Variants in DIP2C observed in about 807,000 individuals in gnomAD.
DIP2C encodes the protein DIP2 acetate--CoA ligase C (putative).
A neutral mutation model predicts 192.4 loss-of-function variants in DIP2C; 33 were observed. That is an observed-to-expected ratio of 0.17 (90% CI 0.13 to 0.23). The LOEUF (loss-of-function observed/expected upper bound fraction) is 0.23, where lower values mean the gene tolerates loss of function less well. DIP2C is among the 10% of genes least tolerant of loss of function. DIP2C has a pLI of 1.00. For synonymous variants in DIP2C, 979 were observed against 864.1 expected, an observed-to-expected ratio of 1.13 and a Z score of -2.33; for missense variants, 1,537 against 2,110.1, an observed-to-expected ratio of 0.73 and a Z score of 5.32.
At position 466,495 on chromosome 10, in the gene DIP2C, C is replaced by T. The variant is rs1390358293; in HGVS notation, c.268+5944G>A. Among the ~76,000 whole-genome samples the T allele has an allele frequency of 3.7e-3, 507 of 138,496 alleles. 1 individual carries two copies. The highest frequency in any genetic ancestry group is 0.014 in the Middle Eastern group (4 of 282). The allele number at this position is 138,496 out of a possible 152,430, so 90.9% of individuals were successfully genotyped here. A position where few individuals can be genotyped will look rare whatever the true frequency, so the allele number is the denominator to read the frequency against. ...TAGGCGTGGGCAAGGACTTCATGTC[C>T]AAAACACCAAAAGCAATGGCAACAA... On this transcript the variant is annotated intron_variant, in intron 3 of 36. Transcript: ENST00000280886.
intron 1 of DIP2C, among the ~76,000 whole-genome samples, chr10:520,021 C>G (rs1846598239): frequency 1.3e-5 from 2 of 152,232 alleles, no homozygotes; most frequent in South Asian, 2.1e-4. Context: ...ATGGTTCTCC[C>G]CAGAGCCAAC....
Position 329,750 on chromosome 10 carries a change from A to G in DIP2C, c.3585-149T>C, listed in dbSNP as rs1193805432. The G allele has an allele frequency of 1.1e-5, 11 of 984,250 alleles. No individual in the cohort carries two copies. The East Asian group carries it at 2.4e-4, about 22-fold the overall frequency. 61.0% of individuals were successfully genotyped at this position (984,250 alleles called of 1,614,324 possible). A position where few individuals can be genotyped will look rare whatever the true frequency, so the allele number is the denominator to read the frequency against. On this transcript the variant is annotated intron_variant, in intron 29 of 36. Coordinates refer to ENST00000280886, the MANE Select transcript of DIP2C (RefSeq NM_014974.3). ...TCTGTAGAAGGGCACAGTAAAGCCA[A>G]CGCTGCAAACTGCAACCATGTTCAC...
At chr10:372,318 G>A (rs1239101938) in intron 17 of DIP2C, among the ~76,000 whole-genome samples, 1 of 152,174 alleles carries the variant, frequency 6.6e-6, no homozygotes, top group Non-Finnish European at 1.5e-5. Context: ...CGAGTGATCT[G>A]CCCTCCTCGG....
intron 1 of DIP2C, chr10:650,308 C>G (rs1715952958): frequency 1.4e-6 from 1 of 716,982 alleles, no homozygotes. Context: ...GACCATGGTG[C>G]CCGGGGCTGT....
chr10:559,610 C>T (rs1184543417), intron 1 of DIP2C, among the ~76,000 whole-genome samples: 1 of 152,198 alleles, frequency 6.6e-6, no homozygotes, highest in Admixed American at 6.5e-5. Context: ...CAGGTCTCTG[C>T]CTTCCTACCT....
intron 8 of DIP2C, among the ~76,000 whole-genome samples, chr10:411,290 G>A (rs532362339): frequency 6.6e-6 from 1 of 152,260 alleles, no homozygotes; most frequent in Non-Finnish European, 1.5e-5. Flanking sequence ...GGAGGCAGAG[G>A]AAGAGCGTAC....
intron 29 of DIP2C, among the ~76,000 whole-genome samples, chr10:331,949 TCTTA>T (rs1393123986): frequency 9.9e-5 from 15 of 151,646 alleles, no homozygotes; most frequent in African/African-American, 3.4e-4. Flanking sequence ...TGAGACAGAG[TCTTA>T]CTTTGTCACC....
chr10:303,955 G>A (rs984221454), intron 32 of DIP2C, among the ~76,000 whole-genome samples: 9 of 152,164 alleles, frequency 5.9e-5, no homozygotes, highest in Non-Finnish European at 1.0e-4. Flanking sequence ...CAACTGGAGG[G>A]TCTTTAGGGC....
chr10:655,111 T>G (rs1856199760), intron 1 of DIP2C, among the ~76,000 whole-genome samples: 1 of 152,084 alleles, frequency 6.6e-6, no homozygotes, highest in African/African-American at 2.4e-5. Flanking sequence ...CATGGGGGAA[T>G]GGGGTGGAGC....
chr10:507,486 G>A (rs1845693140), intron 1 of DIP2C, among the ~76,000 whole-genome samples: 1 of 151,280 alleles, frequency 6.6e-6, no homozygotes, highest in Non-Finnish European at 1.5e-5. Context: ...CACTCGCTGT[G>A]CACTATCAGA....
At chr10:674,824 A>AGG (rs1830815230) in intron 1 of DIP2C, among the ~76,000 whole-genome samples, 2 of 147,528 alleles carry the variant, frequency 1.4e-5, no homozygotes, top group African/African-American at 5.0e-5. Flanking sequence ...AGAGAGAGAG[A>AGG]GAGAGACCAA....
At chr10:302,575 G>A (rs1564526422) in intron 32 of DIP2C, among the ~76,000 whole-genome samples, 1 of 152,170 alleles carries the variant, frequency 6.6e-6, no homozygotes, top group Non-Finnish European at 1.5e-5. Flanking sequence ...CCTGAGAAAT[G>A]AGCTGTCAGT....
At chr10:530,958 C>T in intron 1 of DIP2C, among the ~76,000 whole-genome samples, 1 of 152,160 alleles carries the variant, frequency 6.6e-6, no homozygotes, top group Non-Finnish European at 1.5e-5. Flanking sequence ...GCCGGCCGAC[C>T]AGACACCCCA....
At chr10:599,545 G>A (rs889379946) in intron 1 of DIP2C, among the ~76,000 whole-genome samples, 1 of 152,146 alleles carries the variant, frequency 6.6e-6, no homozygotes, top group Non-Finnish European at 1.5e-5. Flanking sequence ...GTTCACTCGT[G>A]GGTCAGTGAA....
intron 1 of DIP2C, among the ~76,000 whole-genome samples, chr10:591,601 G>A (rs771662629): frequency 2.6e-5 from 4 of 152,172 alleles, no homozygotes; most frequent in African/African-American, 7.2e-5. Context: ...ATACCCAGTC[G>A]ATTTGAGCCT....
intron 29 of DIP2C, among the ~76,000 whole-genome samples, chr10:338,102 T>C (rs151263400): frequency 6.6e-6 from 1 of 152,244 alleles, no homozygotes; most frequent in Non-Finnish European, 1.5e-5. Context: ...AAGCAGCTTA[T>C]AAAGGAGATA....
At chr10:377,132 T>C (rs993335157) in intron 17 of DIP2C, among the ~76,000 whole-genome samples, 2 of 143,482 alleles carry the variant, frequency 1.4e-5, no homozygotes, top group Non-Finnish European at 3.0e-5. Flanking sequence ...ACCCACCCTG[T>C]GCAGCGCAGT....
intron 1 of DIP2C, among the ~76,000 whole-genome samples, chr10:518,572 T>TCC (rs1030047007): frequency 1.1e-4 from 16 of 152,240 alleles, no homozygotes; most frequent in East Asian, 5.8e-4. Context: ...TCTCTTGCCC[T>TCC]CCCACTGTGT....
At chr10:358,890 A>T (rs1959190828) in intron 22 of DIP2C, among the ~76,000 whole-genome samples, 1 of 151,478 alleles carries the variant, frequency 6.6e-6, no homozygotes. Flanking sequence ...AATGTTTACC[A>T]AAAGAATTGC....
Sources: allele counts gnomAD v4.1 joint callset (sites outside exome capture counted in the v4.1 genomes callset), GRCh38; gene constraint gnomAD v4.1.1; transcripts MANE v1.5; gene names NCBI Gene and HGNC (gene_info 2026-07-23, HGNC 2026-07-21).